MZF1: variants seen among roughly 807,000 people sequenced by gnomAD.
MZF1 encodes zinc finger and SCAN domain-containing protein 6.
Under a neutral mutation model 28.6 loss-of-function variants are expected in MZF1, and 24 were observed. That is an observed-to-expected ratio of 0.84 (90% CI 0.61 to 1.18). MZF1 has a LOEUF of 1.18. Ranked by LOEUF, MZF1 falls within the 50% of genes most tolerant of loss-of-function variation. The pLI, the probability that MZF1 is intolerant of heterozygous loss-of-function variation, is 0.00. For missense variants in MZF1, 1,166 were observed against 1,026.4 expected, an observed-to-expected ratio of 1.14 and a Z score of -1.86; for synonymous variants, 516 against 432.5, an observed-to-expected ratio of 1.19 and a Z score of -2.40.
At chr19:58,572,900 C>CA in intron 1 of MZF1, 155 bp downstream of exon 1, 1 of 290,682 alleles carries the variant, frequency 3.4e-6, no homozygotes. Context: ...TAGTGATTGA[C>CA]AAGCCTCTCG....
Position 58,562,828 on chromosome 19 carries a change from G to T in MZF1, c.1449C>A (p.Gly483=). Reference sequence around the variant, plus strand: ...CGCGGCACTCGCTGCACGGAAAGGGGCCGGGAGGCTCGGGCGCACCAGGAG... The same window carrying T: ...CGCGGCACTCGCTGCACGGAAAGGGTCCGGGAGGCTCGGGCGCACCAGGAG... ...PAPPGAPEPP[G]PFPCSECRES... is the part of the protein sequence containing the mutation. Residue 483 remains glycine (G), a synonymous_variant, in exon 6 of 6, where the codon GGC becomes GGA. Coordinates refer to ENST00000215057, the MANE Select transcript of MZF1 (RefSeq NM_198055.2). The T allele has an allele frequency of 2.0e-6, 3 of 1,535,818 alleles. No homozygotes were observed. The highest frequency in any genetic ancestry group is 1.9e-4 in the Middle Eastern group (1 of 5,246).
intron 5 of MZF1, 107 bp from the exon 6 acceptor site, chr19:58,563,611 A>C (rs2053982702): frequency 2.2e-6 from 2 of 928,200 alleles, no homozygotes; most frequent in Non-Finnish European, 1.6e-6. Context: ...AAACTGACCA[A>C]AGAGGCAGAC....
At position 58,562,444 on chromosome 19, in the gene MZF1, C is replaced by T. The variant is rs371098568; in HGVS notation, c.1833G>A (p.Lys611=). ...TGTGTGTCCTCTGATGACGCGTGAG[C>T]TTGAGGCGCTGGCTGAAGCGCTGGC... ...ECGQRFSQRL[K]LTRHQRTHTG... The change falls in exon 6 of 6, where the codon AAG becomes AAA. Residue 611 remains lysine (K), a synonymous_variant. Coordinates refer to ENST00000215057, the MANE Select transcript of MZF1 (RefSeq NM_198055.2). 4.7e-5 allele frequency: 75 copies of T among 1,610,956 alleles called. No homozygotes were observed. The Middle Eastern group carries it at 4.1e-3, about 88-fold the overall frequency.
rs146120851 is a variant in MZF1 at position 58,562,168 on chromosome 19, G to T, written c.2109C>A (p.His703Gln). ...RPTLTQHLRT[H>Q]RREKPFACQD... is the part of the protein sequence containing the mutation. ...GGCAGGCGAAGGGCTTCTCTCGTCG[G>T]TGGGTGCGCAGATGCTGCGTGAGCG... is the stretch of plus-strand genomic sequence containing the variant. The change falls in exon 6 of 6, where the codon CAC (histidine) becomes CAA (glutamine). Residue 703 changes from histidine (H) to glutamine (Q), a missense_variant. By Grantham distance (24) the His-to-Gln change is conservative. Coordinates refer to ENST00000215057, the MANE Select transcript of MZF1 (RefSeq NM_198055.2). 314 of 1,599,746 alleles carry T rather than the reference G, an allele frequency of 2.0e-4. No individual in the cohort carries two copies. Among genetic ancestry groups the T allele is most frequent in the Non-Finnish European group, 2.5e-4 (289 of 1,175,772 alleles).
At chr19:58,567,826 T>A (rs188167320) in intron 5 of MZF1, among the ~76,000 whole-genome samples, 161 of 152,246 alleles carry the variant, frequency 1.1e-3, no homozygotes, top group Admixed American at 1.2e-3. Flanking sequence ...TGTTTTTTTT[T>A]AAAAAGTTAC....
rs2054137671 is a variant in MZF1 at position 58,570,450 on chromosome 19, A to C, written c.474T>G (p.Thr158=). The change falls in exon 3 of 6, where the codon ACT becomes ACG. Residue 158 remains threonine, a synonymous_variant. Coordinates refer to ENST00000215057, the MANE Select transcript of MZF1 (RefSeq NM_198055.2). ...EPSSFQPLPE[T]EPPTPEPGPK... is the part of the protein sequence containing the mutation. ...GCCCAGGCTCTGGAGTTGGAGGCTCAGTTTCAGGTAGGGGCTGGAAACTGG... is the reference window on the plus strand; with the variant it reads ...GCCCAGGCTCTGGAGTTGGAGGCTCCGTTTCAGGTAGGGGCTGGAAACTGG... 1 of 1,613,924 alleles carries C rather than the reference A, an allele frequency of 6.2e-7. No homozygotes were observed. The highest frequency in any genetic ancestry group is 1.7e-5 in the Admixed American group (1 of 60,002).
intron 4 of MZF1, 30 bp downstream of exon 4, chr19:58,569,486 G>C: frequency 6.2e-7 from 1 of 1,613,292 alleles, no homozygotes; most frequent in Non-Finnish European, 8.5e-7. Context: ...CCAGGGAAAG[G>C]AGGAGAACAT....
rs750646146 is a variant in MZF1, at chr19:58,570,987, C to G, written c.396+7G>C. On this transcript the variant is annotated splice_region_variant and intron_variant, in intron 2 of 5. Coordinates refer to ENST00000215057, the MANE Select transcript of MZF1 (RefSeq NM_198055.2). ...GTCCTGAACCCCACTCGTGGACACT[C>G]ACTCACCCATCTCCGGGGTCCGCCC... The G allele has an allele frequency of 5.6e-6, 9 of 1,598,284 alleles. No homozygotes were observed. Among genetic ancestry groups the G allele is most frequent in the East Asian group, 2.2e-5 (1 of 44,622 alleles).
At chr19:58,571,728 C>A in intron 1 of MZF1, 1 of 269,182 alleles carries the variant, frequency 3.7e-6, no homozygotes, top group South Asian at 5.7e-5. Flanking sequence ...GTTGCCCAGG[C>A]TGAAGTGCAG....
At chr19:58,563,530 T>C in intron 5 of MZF1, 26 bp from the exon 6 acceptor site, 1 of 1,491,778 alleles carries the variant, frequency 6.7e-7, no homozygotes, top group Non-Finnish European at 9.0e-7. Flanking sequence ...GACCATTCAT[T>C]CATGACAGAA....
In MZF1 at chr19:58,562,616, G is replaced by C; in HGVS notation, c.1661C>G (p.Ser554Cys). The part of the protein sequence containing the change: ...AECGQSFRQR[S>C]NLTQHRRIHT... Reference sequence around the variant, plus strand: ...GATGCGCCGGTGCTGCGTCAGGTTGGAGCGCTGCCGGAAGCTCTGGCCGCA... The same window carrying C: ...GATGCGCCGGTGCTGCGTCAGGTTGCAGCGCTGCCGGAAGCTCTGGCCGCA... The change falls in exon 6 of 6, where the codon TCC (serine) becomes TGC (cysteine). Residue 554 changes from serine to cysteine, a missense_variant. By Grantham distance (112) the Ser-to-Cys change is moderately radical. Coordinates refer to ENST00000215057, the MANE Select transcript of MZF1 (RefSeq NM_198055.2). 6.4e-7 allele frequency: 1 copy of C among 1,572,924 alleles called. No homozygotes were observed. Among genetic ancestry groups the C allele is most frequent in the Non-Finnish European group, 8.6e-7 (1 of 1,164,300 alleles).
chr19:58,569,362 G>A lies in MZF1; in HGVS notation c.687C>T (p.His229=). ...CGTVLDQIFP[H]SKTGPEGPSW... ...AGGGACCCTCAGGCCCAGTCTTGCTGTGGGGAAAGATCTGGTCCAGCACGG... is the reference window on the plus strand; with the variant it reads ...AGGGACCCTCAGGCCCAGTCTTGCTATGGGGAAAGATCTGGTCCAGCACGG... Residue 229 remains histidine (H), a synonymous_variant, in exon 5 of 6, where the codon CAC becomes CAT. Coordinates refer to ENST00000215057, the MANE Select transcript of MZF1 (RefSeq NM_198055.2). The A allele has an allele frequency of 6.2e-7, 1 of 1,614,076 alleles. No individual in the cohort carries two copies. The highest frequency in any genetic ancestry group is 1.3e-5 in the African/African-American group (1 of 75,028).
Position 58,571,287 on chromosome 19 carries a change from A to C in MZF1, c.103T>G (p.Leu35Val). 1 of 1,613,892 alleles carries C rather than the reference A, an allele frequency of 6.2e-7. No individual in the cohort carries two copies. Among genetic ancestry groups the C allele is most frequent in the Non-Finnish European group, 8.5e-7 (1 of 1,179,892 alleles). Residue 35 changes from leucine (L) to valine (V), a missense_variant, in exon 2 of 6, where the codon TTA becomes GTA. By Grantham distance (32) the Leu-to-Val change is conservative. Transcript: ENST00000215057. Reference sequence around the variant, plus strand: ...GCAGCTTCAGGGCCTGGGTCCCATAAGGCAGCCTCACCCTCCTCCTCAGAG... The same window carrying C: ...GCAGCTTCAGGGCCTGGGTCCCATACGGCAGCCTCACCCTCCTCCTCAGAG... ...EDSEEEGEAA[L>V]WDPGPEAARL...
intron 4 of MZF1, 52 bp downstream of exon 4, chr19:58,569,464 A>C (rs2031778385): frequency 6.2e-7 from 1 of 1,613,332 alleles, no homozygotes; most frequent in African/African-American, 1.3e-5. Context: ...ACCTGACCCC[A>C]CCCAGCAACT....
At chr19:58,565,701 A>G (rs2054038020) in intron 5 of MZF1, among the ~76,000 whole-genome samples, 1 of 141,392 alleles carries the variant, frequency 7.1e-6, no homozygotes, top group Admixed American at 7.1e-5. Flanking sequence ...CCTGACTAAT[A>G]TTTTGTATTT....
chr19:58,569,560 C>T lies in MZF1; in HGVS notation c.607G>A (p.Ala203Thr). ...AGGGTGGGTACAGACTCCTGGGTGG[C>T]AGCTAGAGGCCCAGACTCCAGGAAA... ...SDFLESGPLA[A>T]TQESVPTLLP... is the part of the protein sequence containing the mutation. Residue 203 changes from alanine (A) to threonine (T), a missense_variant, in exon 4 of 6, where the codon GCC becomes ACC. Transcript: ENST00000215057. The T allele has an allele frequency of 6.2e-7, 1 of 1,606,448 alleles. No homozygotes were observed. Among genetic ancestry groups the T allele is most frequent in the Non-Finnish European group, 8.5e-7 (1 of 1,175,198 alleles).
At chr19:58,565,996 C>T (rs537107371) in intron 5 of MZF1, among the ~76,000 whole-genome samples, 2 of 151,130 alleles carry the variant, frequency 1.3e-5, no homozygotes, top group Non-Finnish European at 3.0e-5. Context: ...AAATATTTAG[C>T]CAGGCGTGGT....
upstream of MZF1, chr19:58,573,443 G>T (rs2122749218): frequency 6.6e-6 from 1 of 152,460 alleles, no homozygotes; most frequent in African/African-American, 2.4e-5. Context: ...CTCCGTCGGT[G>T]CCCCACCGCG....
chr19:58,564,928 T>G (rs1177038649), intron 5 of MZF1, among the ~76,000 whole-genome samples: 3 of 131,228 alleles, frequency 2.3e-5, no homozygotes, highest in Non-Finnish European at 4.8e-5. Flanking sequence ...TTTTTTTTTT[T>G]TTTTTTTTTT....
Sources: gnomAD v4.1 joint callset for allele counts (sites outside exome capture counted in the v4.1 genomes callset) on GRCh38, gnomAD v4.1.1 for gene constraint, MANE v1.5 for transcripts, NCBI Gene and HGNC (gene_info 2026-07-23, HGNC 2026-07-21) for gene names.